ADCY8: variants seen among roughly 807,000 people sequenced by gnomAD.
ADCY8 encodes the protein adenylate cyclase 8, also known as adenylate cyclase type 8.
A neutral mutation model predicts 119.7 loss-of-function variants in ADCY8; 51 were observed. The ratio of observed to expected loss-of-function variants is 0.43; its 90% CI spans 0.34 to 0.54. The LOEUF (loss-of-function observed/expected upper bound fraction) is 0.54. Ranked by LOEUF, ADCY8 falls within the 20% of genes least tolerant of loss-of-function variation. ADCY8 has a pLI of 0.03. For missense variants in ADCY8, 1,383 were observed against 1,598.8 expected, an observed-to-expected ratio of 0.87 and a Z score of 2.30; for synonymous variants, 665 against 651.0, an observed-to-expected ratio of 1.02 and a Z score of -0.33.
At chr8:130,852,233 C>G (rs1225612113) in intron 9 of ADCY8, among the ~76,000 whole-genome samples, 2 of 152,156 alleles carry the variant, frequency 1.3e-5, no homozygotes, top group Non-Finnish European at 2.9e-5. Context: ...CTCCCACAGC[C>G]TCAGCTATTG....
intron 3 of ADCY8, among the ~76,000 whole-genome samples, chr8:130,950,482 T>C (rs1210500850): frequency 2.0e-5 from 3 of 151,928 alleles, no homozygotes; most frequent in African/African-American, 2.4e-5. Flanking sequence ...GGTGGCTGTG[T>C]CAGGGTTTGG....
intron 2 of ADCY8, among the ~76,000 whole-genome samples, chr8:130,983,550 T>C (rs1048883384): frequency 6.6e-6 from 1 of 152,084 alleles, no homozygotes; most frequent in Non-Finnish European, 1.5e-5. Flanking sequence ...TTTGCTGGGC[T>C]GTGTGAAGTG....
chr8:131,018,215 C>G (rs1277200573), intron 1 of ADCY8, among the ~76,000 whole-genome samples: 1 of 152,086 alleles, frequency 6.6e-6, no homozygotes, highest in Non-Finnish European at 1.5e-5. Flanking sequence ...CAAAGAGAAC[C>G]CTCAAAGAAA....
At chr8:130,992,381 G>GCA (rs1261286805) in intron 1 of ADCY8, among the ~76,000 whole-genome samples, 197 of 12,128 alleles carry the variant, frequency 0.016, 11 homozygotes, top group African/African-American at 0.073. Context: ...ACTGTATCTG[G>GCA]CATATATATA....
chr8:131,007,230 TA>T (rs1164246111), intron 1 of ADCY8, among the ~76,000 whole-genome samples: 4 of 152,204 alleles, frequency 2.6e-5, no homozygotes, highest in African/African-American at 9.6e-5. Flanking sequence ...CTATATGAAC[TA>T]TGTCAGGATC....
At position 130,794,297 on chromosome 8, in the gene ADCY8, T is replaced by C. The variant is rs569808825; in HGVS notation, c.3060+6129A>G. ...TCTTGCACTGTTGCCTGGGCTGGAG[T>C]GCAGTGGTGCGATCTCGGCTCACTG... On this transcript the variant is annotated intron_variant, in intron 15 of 17. Coordinates refer to ENST00000286355, the MANE Select transcript of ADCY8 (RefSeq NM_001115.3). 4.0e-3 allele frequency among the ~76,000 whole-genome samples: 606 copies of C among 152,278 alleles called. 4 individuals are homozygous for C. The highest frequency in any genetic ancestry group is 0.014 in the African/African-American group (575 of 41,548).
chr8:130,992,053 T>G (rs992691748), intron 1 of ADCY8, among the ~76,000 whole-genome samples: 1 of 149,822 alleles, frequency 6.7e-6, no homozygotes, highest in Non-Finnish European at 1.5e-5. Flanking sequence ...AATAATTATT[T>G]AATAATATAT....
Position 130,937,108 on chromosome 8 carries a change from A to G in ADCY8, c.1446T>C (p.Cys482=). Residue 482 remains cysteine, a synonymous_variant, in exon 5 of 18, where the codon TGT becomes TGC. Transcript: ENST00000286355. ...TGATCATGCTGAGACCCATTTCAACACAGCAGTGGGCATGGTCCTGGCGGG... is the reference window on the plus strand; with the variant it reads ...TGATCATGCTGAGACCCATTTCAACGCAGCAGTGGGCATGGTCCTGGCGGG... ...PEPRQDHAHC[C]VEMGLSMIKT... is the part of the protein sequence containing the mutation. 1.9e-6 allele frequency: 3 copies of G among 1,613,848 alleles called. No homozygotes were observed. Among genetic ancestry groups the G allele is most frequent in the Non-Finnish European group, 2.5e-6 (3 of 1,179,842 alleles).
At chr8:130,818,551 C>A (rs1816412880) in intron 13 of ADCY8, among the ~76,000 whole-genome samples, 1 of 152,232 alleles carries the variant, frequency 6.6e-6, no homozygotes, top group African/African-American at 2.4e-5. Context: ...TACATAACCA[C>A]CTCCGTCCCT....
intron 2 of ADCY8, among the ~76,000 whole-genome samples, chr8:130,963,386 G>A (rs536425968): frequency 1.1e-4 from 17 of 152,196 alleles, no homozygotes; most frequent in Non-Finnish European, 2.5e-4. Context: ...AGGACAGAAG[G>A]AGCTAGACCT....
chr8:130,849,337 T>C (rs1323237497), intron 10 of ADCY8, among the ~76,000 whole-genome samples: 1 of 152,218 alleles, frequency 6.6e-6, no homozygotes, highest in Admixed American at 6.5e-5. Context: ...AATTGGCTAC[T>C]GACAATATGG....
chr8:130,828,751 G>A (rs917286396), intron 12 of ADCY8, among the ~76,000 whole-genome samples: 4 of 152,058 alleles, frequency 2.6e-5, no homozygotes, highest in Non-Finnish European at 5.9e-5. Flanking sequence ...TAGGTAAATG[G>A]CCATTTGGTC....
At chr8:130,904,085 C>A (rs183477447) in intron 6 of ADCY8, 43 bp from the exon 7 acceptor site, 5 of 1,557,376 alleles carry the variant, frequency 3.2e-6, no homozygotes, top group Non-Finnish European at 2.6e-6. Flanking sequence ...CCTGATGTTG[C>A]CTGCAAAGGC....
chr8:131,039,803 T>C lies in ADCY8; in HGVS notation c.531A>G (p.Gln177=), dbSNP rs1824304824. 1 of 1,614,052 alleles carries C rather than the reference T, an allele frequency of 6.2e-7. No homozygotes were observed. Among genetic ancestry groups the C allele is most frequent in the Admixed American group, 1.7e-5 (1 of 60,004 alleles). ...TCATCACCACTTCCGATTTGCGCCT[T>C]TGGCCCAAGAAATAGCGCTGGTAGA... The part of the protein sequence containing the change: ...ERLYQRYFLG[Q]RRKSEVVMNV... Residue 177 remains glutamine (Q), a synonymous_variant, in exon 1 of 18, where the codon CAA becomes CAG. Transcript: ENST00000286355.
rs145673221 is a variant in ADCY8 at position 130,958,059 on chromosome 8, C to T, written c.1111-6061G>A. On this transcript the variant is annotated intron_variant, in intron 2 of 17. Transcript: ENST00000286355. ...GAGAAGAGGGCCACCGTCCTCCAGA[C>T]CCCAGAATGGTAGATCTACCAATAG... Among the ~76,000 whole-genome samples, 1,089 of 152,242 alleles carry T rather than the reference C, an allele frequency of 7.2e-3. 18 individuals carry two copies. The highest frequency in any genetic ancestry group is 0.024 in the African/African-American group (1,009 of 41,546).
chr8:131,017,800 G>A (rs1823528255), intron 1 of ADCY8, among the ~76,000 whole-genome samples: 1 of 148,870 alleles, frequency 6.7e-6, no homozygotes, highest in African/African-American at 2.5e-5. Flanking sequence ...AAAAATGATG[G>A]CAGAGAAGTA....
At chr8:130,837,172 C>T (rs140346455) in intron 11 of ADCY8, among the ~76,000 whole-genome samples, 1 of 152,274 alleles carries the variant, frequency 6.6e-6, no homozygotes, top group Admixed American at 6.5e-5. Flanking sequence ...ACACCCATAT[C>T]GTTCTCTACT....
chr8:130,796,924 C>T (rs1032599917), intron 15 of ADCY8, among the ~76,000 whole-genome samples: 2 of 152,070 alleles, frequency 1.3e-5, no homozygotes, highest in African/African-American at 2.4e-5. Flanking sequence ...GCCTCCTAGA[C>T]CAATTCCCTG....
chr8:130,981,835 G>A (rs1822249132), intron 2 of ADCY8, among the ~76,000 whole-genome samples: 1 of 152,168 alleles, frequency 6.6e-6, no homozygotes, highest in Non-Finnish European at 1.5e-5. Context: ...AACAGTTCAA[G>A]GATCAGCCAT....
Sources: allele counts gnomAD v4.1 joint callset (sites outside exome capture counted in the v4.1 genomes callset), GRCh38; gene constraint gnomAD v4.1.1; transcripts MANE v1.5; gene names NCBI Gene and HGNC (gene_info 2026-07-23, HGNC 2026-07-21).